Variants in NTM observed in about 807,000 individuals in gnomAD.
NTM encodes the protein IgLON family member 2.
Under a neutral mutation model 42.1 loss-of-function variants are expected in NTM, and 13 were observed. The observed-to-expected ratio is 0.31, with a 90% CI of 0.20 to 0.49. The LOEUF (loss-of-function observed/expected upper bound fraction) is 0.49, where lower values mean the gene tolerates loss of function less well. Among genes scored for constraint, NTM ranks in the 20% least tolerant of loss-of-function variants. The pLI is 0.99. For missense variants in NTM, 373 were observed against 452.8 expected, an observed-to-expected ratio of 0.82 and a Z score of 1.60; for synonymous variants, 187 against 179.2, an observed-to-expected ratio of 1.04 and a Z score of -0.35.
chr11:132,076,262 T>C (rs2058350164), intron 2 of NTM, among the ~76,000 whole-genome samples: 1 of 152,208 alleles, frequency 6.6e-6, no homozygotes, highest in Non-Finnish European at 1.5e-5. Context: ...ACTACACTAT[T>C]ACTGCTGCAA....
chr11:132,169,320 C>CTTTTTTTTTTTTTTTTTTTTTTTTT lies in NTM; in HGVS notation c.400+22814_400+22838dup, dbSNP rs567723794. Among the ~76,000 whole-genome samples, 5 of 32,358 alleles carry CTTTTTTTTTTTTTTTTTTTTTTTTT rather than the reference C, an allele frequency of 1.5e-4. 1 individual carries two copies. The highest frequency in any genetic ancestry group is 2.3e-4 in the African/African-American group (2 of 8,660). 21.2% of individuals were successfully genotyped at this position (32,358 alleles called of 152,430 possible). On this transcript the variant is annotated intron_variant, in intron 3 of 8. Coordinates refer to ENST00000683400, the MANE Select transcript of NTM (RefSeq NM_001352005.2). Reference sequence around the variant, plus strand: ...GTGATATCTAGGTTTAATTTTTTTACTTTTTTTTTTTTTTTTTTTTTTTTT... The same window carrying CTTTTTTTTTTTTTTTTTTTTTTTTT: ...GTGATATCTAGGTTTAATTTTTTTACTTTTTTTTTTTTTTTTTTTTTTTTTTTTTTTTTTTTTTTTTTTTTTTTTT...
chr11:131,693,221 G>A (rs2075010797), intron 1 of NTM, among the ~76,000 whole-genome samples: 1 of 152,076 alleles, frequency 6.6e-6, no homozygotes, highest in African/African-American at 2.4e-5. Context: ...ACTGCGAGTG[G>A]GGCAGAGGCT....
At chr11:132,293,968 G>A (rs1250172086) in intron 4 of NTM, among the ~76,000 whole-genome samples, 1 of 152,072 alleles carries the variant, frequency 6.6e-6, no homozygotes, top group Non-Finnish European at 1.5e-5. Context: ...TACAGAATTG[G>A]TTATGGAAGT....
intron 2 of NTM, among the ~76,000 whole-genome samples, chr11:131,918,630 G>A (rs621789): frequency 6.6e-6 from 1 of 151,832 alleles, no homozygotes; most frequent in African/African-American, 2.4e-5. Context: ...AATCCCCCTC[G>A]GTTCCATAGT....
intron 3 of NTM, among the ~76,000 whole-genome samples, chr11:132,167,236 A>C (rs2075417441): frequency 1.3e-5 from 2 of 151,778 alleles, no homozygotes; most frequent in Non-Finnish European, 3.0e-5. Context: ...GTTTTTAAAC[A>C]TTTTTTATTT....
At chr11:131,822,062 G>T (rs1156478949) in intron 1 of NTM, among the ~76,000 whole-genome samples, 4 of 152,166 alleles carry the variant, frequency 2.6e-5, no homozygotes, top group Non-Finnish European at 1.5e-5. Flanking sequence ...CCCTTTAGGG[G>T]TACAAGAAAG....
At chr11:132,073,140 G>A (rs893052972) in intron 2 of NTM, among the ~76,000 whole-genome samples, 1 of 152,158 alleles carries the variant, frequency 6.6e-6, no homozygotes, top group Non-Finnish European at 1.5e-5. Context: ...GAATTTGGCA[G>A]TTCTCTAGGC....
At chr11:132,084,185 C>T (rs2059419972) in intron 2 of NTM, among the ~76,000 whole-genome samples, 2 of 151,934 alleles carry the variant, frequency 1.3e-5, no homozygotes, top group Non-Finnish European at 2.9e-5. Flanking sequence ...GATTATAAAC[C>T]ATCTTTTGAA....
intron 1 of NTM, among the ~76,000 whole-genome samples, chr11:131,404,496 C>A (rs990938943): frequency 3.3e-5 from 5 of 152,178 alleles, no homozygotes; most frequent in Non-Finnish European, 7.3e-5. Flanking sequence ...CTCTGTCGAT[C>A]CACTTCTCCG....
intron 3 of NTM, among the ~76,000 whole-genome samples, chr11:132,159,862 C>T (rs1416051949): frequency 6.6e-6 from 1 of 152,202 alleles, no homozygotes; most frequent in Non-Finnish European, 1.5e-5. Flanking sequence ...AAATTGGGAA[C>T]ATTTCTTACA....
intron 4 of NTM, among the ~76,000 whole-genome samples, chr11:132,239,884 T>C (rs2089857498): frequency 6.6e-6 from 1 of 152,246 alleles, no homozygotes; most frequent in Admixed American, 6.5e-5. Context: ...ACTGTTCCAC[T>C]AGTGTTTGGA....
chr11:132,321,408 A>G (rs2095565763), intron 7 of NTM, among the ~76,000 whole-genome samples: 1 of 152,338 alleles, frequency 6.6e-6, no homozygotes, highest in East Asian at 1.9e-4. Context: ...GATGTGATCA[A>G]CTGGAAGAAA....
chr11:131,439,518 G>T lies in NTM; in HGVS notation c.82+68630G>T, dbSNP rs535901147. On this transcript the variant is annotated intron_variant, in intron 1 of 8. Transcript: ENST00000683400. Reference sequence around the variant, plus strand: ...ACCTACTCAAGTCTCAGCAATGGTGGATGCCCCTCCCCCTGCCAGGCTGCT... The same window carrying T: ...ACCTACTCAAGTCTCAGCAATGGTGTATGCCCCTCCCCCTGCCAGGCTGCT... Among the ~76,000 whole-genome samples, 64 of 152,222 alleles carry T rather than the reference G, an allele frequency of 4.2e-4. 1 individual carries two copies. The highest frequency in any genetic ancestry group is 2.9e-3 in the Admixed American group (44 of 15,284).
chr11:131,505,022 C>T (rs2047313797), intron 1 of NTM, among the ~76,000 whole-genome samples: 1 of 152,082 alleles, frequency 6.6e-6, no homozygotes, highest in African/African-American at 2.4e-5. Flanking sequence ...TGCTCTATAC[C>T]ACAGTGGGGT....
intron 3 of NTM, among the ~76,000 whole-genome samples, chr11:132,188,959 A>G (rs2078874605): frequency 6.6e-6 from 1 of 152,098 alleles, no homozygotes; most frequent in Non-Finnish European, 1.5e-5. Flanking sequence ...GAGTTATAGG[A>G]TATGTGGGAT....
intron 4 of NTM, among the ~76,000 whole-genome samples, chr11:132,239,138 AT>A (rs2089695030): frequency 6.6e-6 from 1 of 152,208 alleles, no homozygotes; most frequent in Non-Finnish European, 1.5e-5. Flanking sequence ...GTGACTTCAG[AT>A]TTTTAGGGCA....
chr11:131,675,106 C>T (rs1289116278), intron 1 of NTM, among the ~76,000 whole-genome samples: 3 of 152,204 alleles, frequency 2.0e-5, no homozygotes, highest in African/African-American at 4.8e-5. Context: ...TCCAGATCCC[C>T]AGTTCCATCT....
chr11:131,433,934 C>T (rs1948898872), intron 1 of NTM, among the ~76,000 whole-genome samples: 1 of 152,214 alleles, frequency 6.6e-6, no homozygotes, highest in Non-Finnish European at 1.5e-5. Context: ...TCTCCTAATG[C>T]TATCCCTCTC....
chr11:132,108,518 CTG>C (rs576426015), intron 2 of NTM, among the ~76,000 whole-genome samples: 90 of 152,104 alleles, frequency 5.9e-4, no homozygotes, highest in African/African-American at 2.1e-3. Flanking sequence ...ACAATGGACT[CTG>C]GGGACTTGGG....
Sources: allele counts gnomAD v4.1 joint callset (sites outside exome capture counted in the v4.1 genomes callset), GRCh38; gene constraint gnomAD v4.1.1; transcripts MANE v1.5; gene names NCBI Gene and HGNC (gene_info 2026-07-23, HGNC 2026-07-21).